The following PPP1R1C variants were observed in gnomAD, a reference collection of about 807,000 sequenced individuals.
The protein encoded by PPP1R1C is protein phosphatase 1 regulatory inhibitor subunit 1C, also known as protein phosphatase 1 regulatory subunit 1C.
In PPP1R1C, 15 loss-of-function variants were observed where a neutral mutation model predicts 17.4. The ratio of observed to expected loss-of-function variants is 0.86; its 90% confidence interval spans 0.58 to 1.33. The LOEUF is 1.33. Among genes scored for constraint, PPP1R1C ranks in the 40% most tolerant of loss-of-function variants. The probability of loss-of-function intolerance (pLI) is 0.00; values close to 1 mark genes in which losing one functional copy is unlikely to be tolerated. For missense variants in PPP1R1C, 143 were observed against 130.0 expected, an observed-to-expected ratio of 1.10 and a Z score of -0.48; for synonymous variants, 35 against 43.1, an observed-to-expected ratio of 0.81 and a Z score of 0.73.
chr2:181,958,240 G>A (rs996529388), intron 1 of PPP1R1C, among the ~76,000 whole-genome samples: 1 of 152,172 alleles, frequency 6.6e-6, no homozygotes, highest in Non-Finnish European at 1.5e-5. Flanking sequence ...ATCCTGCAGG[G>A]AGTTGTGCAA....
rs1398879038 is a variant in PPP1R1C, at chr2:182,124,441, A to G, written c.*7-4533A>G. On this transcript the variant is annotated intron_variant, in intron 5 of 5. Transcript: ENST00000280295. ...TTTTCTAATTCTATGAAGAAAGTCA[A>G]TGGGATCTTGATGGGAATAGCATTG... is the stretch of plus-strand genomic sequence containing the variant. Among the ~76,000 whole-genome samples, 9 of 149,924 alleles carry G rather than the reference A, an allele frequency of 6.0e-5. No homozygotes were observed. In the Admixed American group the frequency reaches 6.0e-4, roughly 10 times the overall value.
intron 1 of PPP1R1C, among the ~76,000 whole-genome samples, chr2:181,963,411 C>T (rs533040203): frequency 1.8e-3 from 273 of 152,242 alleles, no homozygotes; most frequent in Non-Finnish European, 3.1e-3. Flanking sequence ...GGGGCCGAAG[C>T]GGGTGGACCA....
chr2:181,979,783 A>G (rs536132665), intron 2 of PPP1R1C, among the ~76,000 whole-genome samples: 6 of 152,374 alleles, frequency 3.9e-5, no homozygotes, highest in African/African-American at 1.2e-4. Flanking sequence ...ACTTCTTTGC[A>G]TAGAGAGGGC....
rs75520433 is a variant in PPP1R1C, at chr2:182,032,422, A to G, written c.143-29020A>G. Among the ~76,000 whole-genome samples the G allele has an allele frequency of 3.6e-3, 555 of 152,300 alleles. 13 individuals carry two copies. The highest frequency in any genetic ancestry group is 6.4e-3 in the East Asian group (33 of 5,192). ...AATACTTATTACCATCCAACATACC[A>G]TATAATTAACTTATTTATTGTGTTT... On this transcript the variant is annotated intron_variant, in intron 2 of 4. Coordinates refer to ENST00000682840, the MANE Select transcript of PPP1R1C (RefSeq NM_001080545.3).
intron 2 of PPP1R1C, among the ~76,000 whole-genome samples, chr2:182,002,856 T>C (rs1685805336): frequency 6.6e-6 from 1 of 151,422 alleles, no homozygotes; most frequent in Non-Finnish European, 1.5e-5. Flanking sequence ...CCCCCTAGTA[T>C]CTGTACATAG....
intron 2 of PPP1R1C, among the ~76,000 whole-genome samples, chr2:182,048,253 C>A (rs960290132): frequency 6.6e-6 from 1 of 152,088 alleles, no homozygotes; most frequent in Non-Finnish European, 1.5e-5. Context: ...TTGACTAACT[C>A]TAAGAACTCA....
intron 5 of PPP1R1C, among the ~76,000 whole-genome samples, chr2:182,124,341 T>TG: frequency 1.5e-5 from 2 of 132,074 alleles, no homozygotes; most frequent in African/African-American, 7.0e-5. Context: ...TTTTTTTTGT[T>TG]TTTTTTTTTT....
chr2:182,072,685 A>G (rs1482768661), intron 4 of PPP1R1C, among the ~76,000 whole-genome samples: 1 of 152,232 alleles, frequency 6.6e-6, no homozygotes, highest in African/African-American at 2.4e-5. Context: ...TACAGAGACC[A>G]TGCAACCTTA....
rs1685098859 is a variant in PPP1R1C, at chr2:181,976,823, A to T, written n.157+1559A>T. On this transcript the variant is annotated intron_variant and non_coding_transcript_variant, in intron 2 of 5. Transcript: ENST00000464264. This position sits in a 1 kb window ranked among gnomAD's most constrained non-coding sequence, Gnocchi z 4.8. ...TGAAGGAGGCTTTCTTTTAACTGTC[A>T]AGGTGTTTTTTAAAGAACTTGCCTA... is the stretch of plus-strand genomic sequence containing the variant. Among the ~76,000 whole-genome samples, 4 of 152,038 alleles carry T rather than the reference A, an allele frequency of 2.6e-5. No homozygotes were observed. In the South Asian group the frequency reaches 8.3e-4, roughly 32 times the overall value.
intron 2 of PPP1R1C, among the ~76,000 whole-genome samples, chr2:182,035,760 C>T (rs566219632): frequency 1.3e-5 from 2 of 152,274 alleles, no homozygotes; most frequent in South Asian, 4.2e-4. Context: ...GCCATGCCTC[C>T]TGTGCAGCCT....
At chr2:182,104,705 A>G (rs1689195611) in intron 4 of PPP1R1C, among the ~76,000 whole-genome samples, 1 of 152,142 alleles carries the variant, frequency 6.6e-6, no homozygotes, top group African/African-American at 2.4e-5. Context: ...CATCAAGGAT[A>G]TTGGTTTGTA....
chr2:182,001,628 A>G (rs925825417), intron 2 of PPP1R1C, among the ~76,000 whole-genome samples: 2 of 152,168 alleles, frequency 1.3e-5, no homozygotes, highest in African/African-American at 4.8e-5. Flanking sequence ...GAGTTGTAAA[A>G]TAAACATTTT....
chr2:182,082,911 G>A (rs563462675), intron 4 of PPP1R1C, among the ~76,000 whole-genome samples: 24 of 152,158 alleles, frequency 1.6e-4, no homozygotes, highest in South Asian at 4.2e-4. Flanking sequence ...AATACCCAGC[G>A]GGAGACCACG....
At chr2:182,051,194 A>G (rs932671542) in intron 2 of PPP1R1C, among the ~76,000 whole-genome samples, 10 of 152,222 alleles carry the variant, frequency 6.6e-5, no homozygotes, top group African/African-American at 1.2e-4. Flanking sequence ...TTATTCTGCA[A>G]TCTTATTAGT....
chr2:182,067,240 T>C (rs1436742199), intron 4 of PPP1R1C, among the ~76,000 whole-genome samples: 1 of 152,144 alleles, frequency 6.6e-6, no homozygotes, highest in African/African-American at 2.4e-5. Context: ...ATATTTTTCT[T>C]CTAAGTCAAA....
chr2:181,976,411 A>G lies in PPP1R1C; in HGVS notation n.157+1147A>G, dbSNP rs146425689. On this transcript the variant is annotated intron_variant and non_coding_transcript_variant, in intron 2 of 5. Transcript: ENST00000464264. This position sits in a 1 kb window ranked among gnomAD's most constrained non-coding sequence, Gnocchi z 4.8. ...AAACCAAATAAAATCTTATAACATT[A>G]TTTTCTTCCATTGTATTACCAAACT... Among the ~76,000 whole-genome samples the G allele has an allele frequency of 1.1e-4, 17 of 152,236 alleles. No homozygotes were observed. The highest frequency in any genetic ancestry group is 3.9e-4 in the African/African-American group (16 of 41,552).
chr2:182,032,005 C>G (rs747964313), intron 2 of PPP1R1C, among the ~76,000 whole-genome samples: 1 of 152,150 alleles, frequency 6.6e-6, no homozygotes, highest in Non-Finnish European at 1.5e-5. Context: ...TGGGGAAGTC[C>G]TATGGGTATC....
intron 1 of PPP1R1C, among the ~76,000 whole-genome samples, chr2:181,966,503 T>G (rs1684907778): frequency 6.6e-6 from 1 of 152,132 alleles, no homozygotes; most frequent in African/African-American, 2.4e-5. Context: ...TTTTAGTATT[T>G]TTTTTCATCA....
intron 1 of PPP1R1C, among the ~76,000 whole-genome samples, chr2:181,973,930 C>T (rs1306164939): frequency 6.6e-6 from 1 of 152,040 alleles, no homozygotes; most frequent in Non-Finnish European, 1.5e-5. Flanking sequence ...TTAGCACCAA[C>T]TTTTTATTTC....
Sources: allele counts gnomAD v4.1 joint callset (sites outside exome capture counted in the v4.1 genomes callset), GRCh38; gene constraint gnomAD v4.1.1; non-coding constraint Gnocchi (gnomAD v3.1); transcripts MANE v1.5; gene names NCBI Gene and HGNC (gene_info 2026-07-23, HGNC 2026-07-21).